The following UQCC1 variants were observed in gnomAD, a reference collection of about 807,000 sequenced individuals.
UQCC1 encodes bFGF-repressed Zic-binding protein.
In UQCC1, 38 loss-of-function variants were observed where a neutral mutation model predicts 48.0. The ratio of observed to expected loss-of-function variants is 0.79; its 90% CI spans 0.61 to 1.04. The LOEUF is 1.04. UQCC1 is among the 50% of genes least tolerant of loss of function. The pLI is 0.00. For synonymous variants in UQCC1, 111 were observed against 129.2 expected (o/e 0.86, Z 0.95); for missense variants, 368 against 381.8 (o/e 0.96, Z 0.30).
At chr20:35,353,691 C>T (rs2061516251) in intron 6 of UQCC1, among the ~76,000 whole-genome samples, 1 of 151,862 alleles carries the variant, frequency 6.6e-6, no homozygotes, top group South Asian at 2.1e-4. Flanking sequence ...ACTAAGGAGG[C>T]TGATATGGGA....
intron 1 of UQCC1, among the ~76,000 whole-genome samples, chr20:35,398,897 G>C (rs2062120894): frequency 6.6e-6 from 1 of 152,078 alleles, no homozygotes; most frequent in Non-Finnish European, 1.5e-5. Context: ...GGCTCCGGTT[G>C]GTCTTAGGCC....
intron 2 of UQCC1, among the ~76,000 whole-genome samples, chr20:35,391,050 G>C (rs549513358): frequency 5.9e-5 from 9 of 151,962 alleles, no homozygotes; most frequent in Non-Finnish European, 1.3e-4. Flanking sequence ...ACAAAAAGTA[G>C]CTGGGTGTGG....
intron 2 of UQCC1, among the ~76,000 whole-genome samples, chr20:35,391,515 T>G (rs1253906803): frequency 6.6e-6 from 1 of 151,830 alleles, no homozygotes; most frequent in Non-Finnish European, 1.5e-5. Context: ...TCCCAGCTAC[T>G]TGGGAGGCTG....
intron 7 of UQCC1, chr20:35,346,842 A>T: frequency 1.4e-6 from 1 of 733,916 alleles, no homozygotes; most frequent in Non-Finnish European, 2.2e-6. Context: ...AAGGTATAGT[A>T]TCCTTAACTG....
rs532614890 is a variant in UQCC1, at chr20:35,306,701, G to A, written c.730C>T (p.His244Tyr). The stretch of plus-strand genomic sequence containing the variant: ...ACATACTCTACCAGCAATTCAAGAT[G>A]TCGAGGGTCTTCACATTTCCGGTTG... ...FFNRKCEDPR[H>Y]LELLVEYVRK... Residue 244 changes from histidine to tyrosine, a missense_variant, in exon 9 of 10, where the codon CAT becomes TAT. His to Tyr is a moderately conservative substitution (Grantham distance 83). Transcript: ENST00000374385. 1.0e-4 allele frequency: 169 copies of A among 1,613,926 alleles called. 1 individual carries two copies. In the South Asian group the frequency reaches 1.1e-3, roughly 10 times the overall value.
At chr20:35,367,872 C>T (rs560485996) in intron 5 of UQCC1, among the ~76,000 whole-genome samples, 2 of 152,260 alleles carry the variant, frequency 1.3e-5, no homozygotes, top group South Asian at 2.1e-4. Flanking sequence ...TCATCACCCC[C>T]CCAGAAATGA....
intron 7 of UQCC1, among the ~76,000 whole-genome samples, chr20:35,335,787 A>G (rs2061309356): frequency 6.6e-6 from 1 of 152,238 alleles, no homozygotes; most frequent in East Asian, 1.9e-4. Flanking sequence ...GCAAATTTAC[A>G]TGTTATGGGA....
intron 1 of UQCC1, among the ~76,000 whole-genome samples, chr20:35,398,764 G>A (rs1050749149): frequency 1.4e-5 from 2 of 140,188 alleles, no homozygotes; most frequent in Non-Finnish European, 3.2e-5. Flanking sequence ...GGGGGGGGGG[G>A]GGGGGCGGTG....
rs149384429 is a variant in UQCC1, at chr20:35,394,708, C to T, written c.25-512G>A. ...CAAATGTGCAGGGGCAAGGGGTCTCCATACCAAGCAATTCTCTAGTTCTCT... is the reference window on the plus strand; with the variant it reads ...CAAATGTGCAGGGGCAAGGGGTCTCTATACCAAGCAATTCTCTAGTTCTCT... On this transcript the variant is annotated intron_variant, in intron 1 of 9. Coordinates refer to ENST00000374385, the MANE Select transcript of UQCC1 (RefSeq NM_018244.5). 2.0e-5 allele frequency among the ~76,000 whole-genome samples: 3 copies of T among 152,302 alleles called. No individual in the cohort carries two copies. In the East Asian group the frequency reaches 5.8e-4, roughly 29 times the overall value.
chr20:35,321,903 A>G (rs2061135066), intron 7 of UQCC1, among the ~76,000 whole-genome samples: 1 of 152,184 alleles, frequency 6.6e-6, no homozygotes, highest in South Asian at 2.1e-4. Context: ...AAAATAGCCA[A>G]GAGAGAAGAG....
chr20:35,392,467 GT>G (rs1342571090), intron 2 of UQCC1, among the ~76,000 whole-genome samples: 1 of 152,096 alleles, frequency 6.6e-6, no homozygotes, highest in African/African-American at 2.4e-5. Flanking sequence ...CTCAAGAAAC[GT>G]TTACTGACCC....
At chr20:35,381,846 T>G in intron 4 of UQCC1, 72 bp downstream of exon 4, 1 of 915,846 alleles carries the variant, frequency 1.1e-6, no homozygotes, top group Non-Finnish European at 1.7e-6. Context: ...AAGCAGAAGC[T>G]TTAAAAAATC....
intron 6 of UQCC1, among the ~76,000 whole-genome samples, chr20:35,355,210 T>C (rs372606096): frequency 2.6e-5 from 4 of 152,248 alleles, no homozygotes; most frequent in African/African-American, 4.8e-5. Flanking sequence ...CAAAGTGACA[T>C]TGAACAGAAC....
intron 1 of UQCC1, among the ~76,000 whole-genome samples, chr20:35,408,812 G>A (rs2062291539): frequency 6.6e-6 from 1 of 151,460 alleles, no homozygotes; most frequent in African/African-American, 2.4e-5. Context: ...CTATGATTGA[G>A]CCACTACACT....
intron 8 of UQCC1, among the ~76,000 whole-genome samples, chr20:35,314,245 C>T (rs2061029994): frequency 6.6e-6 from 1 of 151,918 alleles, no homozygotes; most frequent in Admixed American, 6.6e-5. Context: ...AGCCACTGCG[C>T]CCAGCCAGTT....
chr20:35,401,200 C>T (rs2062159217), intron 1 of UQCC1, among the ~76,000 whole-genome samples: 1 of 152,150 alleles, frequency 6.6e-6, no homozygotes, highest in Non-Finnish European at 1.5e-5. Flanking sequence ...ATTTAATATA[C>T]ATTGTTGATT....
intron 7 of UQCC1, among the ~76,000 whole-genome samples, chr20:35,316,992 G>A (rs1341396115): frequency 6.7e-6 from 1 of 148,556 alleles, no homozygotes; most frequent in African/African-American, 2.5e-5. Flanking sequence ...CTGTAGTGCA[G>A]CGGCATGATC....
Position 35,400,685 on chromosome 20 carries a change from T to C in UQCC1, c.25-6489A>G, listed in dbSNP as rs374909095. Among the ~76,000 whole-genome samples, 5 of 151,810 alleles carry C rather than the reference T, an allele frequency of 3.3e-5. No homozygotes were observed. In the East Asian group the frequency reaches 9.7e-4, roughly 30 times the overall value. Reference sequence around the variant, plus strand: ...TAATTTTTTGTATTTTTAGTAGAGATGGGGTTTCACCATGTTCGCCAGGAT... The same window carrying C: ...TAATTTTTTGTATTTTTAGTAGAGACGGGGTTTCACCATGTTCGCCAGGAT... On this transcript the variant is annotated intron_variant, in intron 1 of 9. Transcript: ENST00000374385.
chr20:35,346,405 CA>C, intron 7 of UQCC1: 1 of 161,418 alleles, frequency 6.2e-6, no homozygotes, highest in South Asian at 1.9e-4. Context: ...TTCTTGAAGT[CA>C]GCGAGACCAC....
Sources: gnomAD v4.1 joint callset for allele counts (sites outside exome capture counted in the v4.1 genomes callset) on GRCh38, gnomAD v4.1.1 for gene constraint, MANE v1.5 for transcripts, NCBI Gene and HGNC (gene_info 2026-07-23, HGNC 2026-07-21) for gene names.